Variants in FOXC1 observed in about 807,000 individuals in gnomAD.
FOXC1 encodes forkhead box C1, also known as forkhead box protein C1.
In FOXC1, 5 loss-of-function variants were observed where a neutral mutation model predicts 8.1. The observed-to-expected ratio is 0.62, with a 90% CI of 0.32 to 1.30. The LOEUF (loss-of-function observed/expected upper bound fraction) is 1.30, where lower values mean the gene tolerates loss of function less well. Among genes scored for constraint, FOXC1 ranks in the 50% most tolerant of loss-of-function variants. The pLI is 0.05. For synonymous variants in FOXC1, 552 were observed against 417.2 expected (o/e 1.32, Z -3.94); for missense variants, 942 against 858.0 (o/e 1.10, Z -1.22).
Position 1,611,528 on chromosome 6 carries a change from C to T in FOXC1, c.1083C>T (p.Tyr361=), listed in dbSNP as rs1375671248. 1 of 1,317,990 alleles carries T rather than the reference C, an allele frequency of 7.6e-7. No homozygotes were observed. The highest frequency in any genetic ancestry group is 9.7e-7 in the Non-Finnish European group (1 of 1,027,024). The allele number at this position is 1,317,990 out of a possible 1,614,324, so 81.6% of individuals were successfully genotyped here. Residue 361 remains tyrosine, a synonymous_variant, in exon 1 of 1, where the codon TAC becomes TAT. Transcript: ENST00000645831. This position sits in a 1 kb window ranked among gnomAD's most constrained non-coding sequence, Gnocchi z 7.1. The part of the protein sequence containing the change: ...GAYSPGQSSL[Y]SSPCSQTSSA... ...ACTCGCCCGGCCAGAGCTCCCTCTA[C>T]AGCTCCCCCTGCAGCCAGACCTCCA...
chr6:1,611,343 C>T lies in FOXC1; in HGVS notation c.898C>T (p.Pro300Ser). The change falls in exon 1 of 1, where the codon CCG (proline) becomes TCG (serine). Residue 300 changes from proline to serine, a missense_variant. This residue lies in a region of FOXC1 where 726 missense variants were observed against 599.6 expected (regional missense o/e 1.21). Transcript: ENST00000645831. This position sits in a 1 kb window ranked among gnomAD's most constrained non-coding sequence, Gnocchi z 7.1. Reference protein sequence around the residue: ...SAPPPPAPSAPPPHHSQGFSV... With the variant: ...SAPPPPAPSASPPHHSQGFSV... The stretch of plus-strand genomic sequence containing the variant: ...GCCGCCGCCGCCCGCGCCCTCCGCC[C>T]CGCCGCCGCACCATAGCCAGGGCTT... 1 of 1,423,032 alleles carries T rather than the reference C, an allele frequency of 7.0e-7. No homozygotes were observed. Among genetic ancestry groups the T allele is most frequent in the Non-Finnish European group, 9.2e-7 (1 of 1,087,088 alleles). 88.2% of individuals were successfully genotyped at this position (1,423,032 alleles called of 1,614,324 possible).
In FOXC1 at chr6:1,611,070, G is replaced by A; in HGVS notation, c.625G>A (p.Ala209Thr). 1 of 1,421,110 alleles carries A rather than the reference G, an allele frequency of 7.0e-7. No individual in the cohort carries two copies. The allele number at this position is 1,421,110 out of a possible 1,614,324, so 88.0% of individuals were successfully genotyped here. The change falls in exon 1 of 1, where the codon GCC (alanine) becomes ACC (threonine). Residue 209 changes from alanine to threonine, a missense_variant. Ala to Thr is a moderately conservative substitution (Grantham distance 58, BLOSUM62 0). Coordinates refer to ENST00000645831, the MANE Select transcript of FOXC1 (RefSeq NM_001453.3). This position sits in a 1 kb window ranked among gnomAD's most constrained non-coding sequence, Gnocchi z 7.1. The part of the protein sequence containing the change: ...RQPPPAPPEQ[A>T]DGNAPGPQPP... The stretch of plus-strand genomic sequence containing the variant: ...GCCCCCGCCCGCGCCGCCGGAGCAG[G>A]CCGACGGCAACGCGCCCGGTCCGCA...
chr6:1,611,068 A>C lies in FOXC1; in HGVS notation c.623A>C (p.Gln208Pro). Reference sequence around the variant, plus strand: ...CAGCCCCCGCCCGCGCCGCCGGAGCAGGCCGACGGCAACGCGCCCGGTCCG... The same window carrying C: ...CAGCCCCCGCCCGCGCCGCCGGAGCCGGCCGACGGCAACGCGCCCGGTCCG... Reference protein sequence around the residue: ...GRQPPPAPPEQADGNAPGPQP... With the variant: ...GRQPPPAPPEPADGNAPGPQP... The change falls in exon 1 of 1, where the codon CAG becomes CCG. Residue 208 changes from glutamine (Q) to proline (P), a missense_variant. Gln to Pro is a moderately conservative substitution (Grantham distance 76, BLOSUM62 -1). Transcript: ENST00000645831. This position sits in a 1 kb window ranked among gnomAD's most constrained non-coding sequence, Gnocchi z 7.1. The C allele has an allele frequency of 4.2e-6, 6 of 1,430,990 alleles. No individual in the cohort carries two copies. Among genetic ancestry groups the C allele is most frequent in the Non-Finnish European group, 5.5e-6 (6 of 1,091,960 alleles). The allele number at this position is 1,430,990 out of a possible 1,614,324, so 88.6% of individuals were successfully genotyped here.
Position 1,610,801 on chromosome 6 carries a change from A to G in FOXC1, c.356A>G (p.Lys119Arg), listed in dbSNP as rs759264099. 3.1e-6 allele frequency: 5 copies of G among 1,613,930 alleles called. No individual in the cohort carries two copies. Among genetic ancestry groups the G allele is most frequent in the African/African-American group, 1.3e-5 (1 of 74,896 alleles). Residue 119 changes from lysine (K) to arginine (R), a missense_variant, in exon 1 of 1, where the codon AAG (lysine) becomes AGG (arginine). Around this residue, in one of 4 missense-constraint regions of FOXC1, gnomAD observed 190 missense variants for 176.8 expected, o/e 1.07. Transcript: ENST00000645831. ...MDRFPFYRDN[K>R]QGWQNSIRHN... The stretch of plus-strand genomic sequence containing the variant: ...CGCTTCCCCTTCTACCGGGACAACA[A>G]GCAGGGCTGGCAGAACAGCATCCGC...
rs1464138433 is a variant in FOXC1, at chr6:1,611,755, C to T, written c.1310C>T (p.Thr437Ile). Residue 437 changes from threonine (T) to isoleucine (I), a missense_variant, in exon 1 of 1, where the codon ACC becomes ATC. By Grantham distance (89) the Thr-to-Ile change is moderately conservative. This residue lies in a region of FOXC1 where 726 missense variants were observed against 599.6 expected (regional missense o/e 1.21). Coordinates refer to ENST00000645831, the MANE Select transcript of FOXC1 (RefSeq NM_001453.3). The surrounding 1 kb of genome is among the most constrained non-coding windows in gnomAD (Gnocchi z 7.1). ...CCCGACTACTCTCTGCCTCCGGTCA[C>T]CAGCAGCAGCTCGTCGTCCCTGAGT... is the stretch of plus-strand genomic sequence containing the variant. The part of the protein sequence containing the change: ...PLPDYSLPPV[T>I]SSSSSSLSHG... The T allele has an allele frequency of 6.8e-7, 1 of 1,471,496 alleles. No individual in the cohort carries two copies. The allele number at this position is 1,471,496 out of a possible 1,614,324, so 91.2% of individuals were successfully genotyped here. A position where few individuals can be genotyped will look rare whatever the true frequency, so the allele number is the denominator to read the frequency against.
Position 1,610,983 on chromosome 6 carries a change from G to A in FOXC1, c.538G>A (p.Val180Met), listed in dbSNP as rs1464165330. 9 of 1,612,928 alleles carry A rather than the reference G, an allele frequency of 5.6e-6. No homozygotes were observed. The highest frequency in any genetic ancestry group is 7.6e-6 in the Non-Finnish European group (9 of 1,179,774). ...GCGGCGCTTCAAGAAGAAGGACGCG[G>A]TGAAGGACAAGGAGGAGAAGGACAG... is the stretch of plus-strand genomic sequence containing the variant. ...RRRRFKKKDA[V>M]KDKEEKDRLH... Residue 180 changes from valine to methionine, a missense_variant, in exon 1 of 1, where the codon GTG (valine) becomes ATG (methionine). Physicochemically the swap from Val to Met is conservative, Grantham distance 21 (BLOSUM62 1). Coordinates refer to ENST00000645831, the MANE Select transcript of FOXC1 (RefSeq NM_001453.3).
At position 1,611,072 on chromosome 6, in the gene FOXC1, C is replaced by A. The variant is rs750403536; in HGVS notation, c.627C>A (p.Ala209=). Residue 209 remains alanine (A), a synonymous_variant, in exon 1 of 1, where the codon GCC becomes GCA. Coordinates refer to ENST00000645831, the MANE Select transcript of FOXC1 (RefSeq NM_001453.3). This position sits in a 1 kb window ranked among gnomAD's most constrained non-coding sequence, Gnocchi z 7.1. ...CCCCGCCCGCGCCGCCGGAGCAGGCCGACGGCAACGCGCCCGGTCCGCAGC... is the reference window on the plus strand; with the variant it reads ...CCCCGCCCGCGCCGCCGGAGCAGGCAGACGGCAACGCGCCCGGTCCGCAGC... ...RQPPPAPPEQ[A]DGNAPGPQPP... is the part of the protein sequence containing the mutation. 2.8e-6 allele frequency: 4 copies of A among 1,420,364 alleles called. No homozygotes were observed. The highest frequency in any genetic ancestry group is 3.7e-6 in the Non-Finnish European group (4 of 1,085,316). 88.0% of individuals were successfully genotyped at this position (1,420,364 alleles called of 1,614,324 possible).
Position 1,611,683 on chromosome 6 carries a change from AGGGCGCGCCCGG to A in FOXC1, c.1246_1257del (p.Pro416_Ala419del). The A allele has an allele frequency of 2.1e-6, 3 of 1,414,284 alleles. No homozygotes were observed. Among genetic ancestry groups the A allele is most frequent in the Non-Finnish European group, 2.7e-6 (3 of 1,091,290 alleles). The allele number at this position is 1,414,284 out of a possible 1,614,324, so 87.6% of individuals were successfully genotyped here. A position where few individuals can be genotyped will look rare whatever the true frequency, so the allele number is the denominator to read the frequency against. ...GCCGGCGAGCGCGGGGGCCACTTGC[AGGGCGCGCCCGG>A]GGGCGCGGGCGGCTCGGCCGTGGAC... On this transcript the variant is annotated inframe_deletion, in exon 1 of 1. Transcript: ENST00000645831. This position sits in a 1 kb window ranked among gnomAD's most constrained non-coding sequence, Gnocchi z 7.1.
rs1439714149 is a variant in FOXC1 at position 1,610,532 on chromosome 6, G to A, written c.87G>A (p.Ala29=). Residue 29 remains alanine, a synonymous_variant, in exon 1 of 1, where the codon GCG becomes GCA. Coordinates refer to ENST00000645831, the MANE Select transcript of FOXC1 (RefSeq NM_001453.3). ...LGGEQSYYRA[A]AAAAGGGYTA... ...GCGAGCAGAGCTACTACCGCGCGGC[G>A]GCCGCGGCGGCCGGGGGCGGCTACA... 6.5e-7 allele frequency: 1 copy of A among 1,533,536 alleles called. No homozygotes were observed. Among genetic ancestry groups the A allele is most frequent in the African/African-American group, 1.4e-5 (1 of 72,166 alleles). 95.0% of individuals were successfully genotyped at this position (1,533,536 alleles called of 1,614,324 possible).
Position 1,611,914 on chromosome 6 carries a change from C to G in FOXC1, c.1469C>G (p.Ala490Gly). ...GDLGHLASAAAAAAAAGYPGQ... is the reference protein window; with the variant it reads ...GDLGHLASAAGAAAAAGYPGQ... Reference sequence around the variant, plus strand: ...CTGGGCCACTTGGCGAGCGCGGCGGCGGCGGCGGCGGCCGCAGGCTACCCG... The same window carrying G: ...CTGGGCCACTTGGCGAGCGCGGCGGGGGCGGCGGCGGCCGCAGGCTACCCG... Residue 490 changes from alanine to glycine, a missense_variant, in exon 1 of 1, where the codon GCG (alanine) becomes GGG (glycine). Physicochemically the swap from Ala to Gly is moderately conservative, Grantham distance 60 (BLOSUM62 0). Transcript: ENST00000645831. The surrounding 1 kb of genome is among the most constrained non-coding windows in gnomAD (Gnocchi z 7.1). 1.3e-6 allele frequency: 2 copies of G among 1,552,646 alleles called. No homozygotes were observed. The highest frequency in any genetic ancestry group is 1.7e-6 in the Non-Finnish European group (2 of 1,148,472).
Position 1,611,011 on chromosome 6 carries a change from T to A in FOXC1, c.566T>A (p.Leu189Gln), listed in dbSNP as rs1227876001. The A allele has an allele frequency of 6.2e-7, 1 of 1,604,846 alleles. No homozygotes were observed. Among genetic ancestry groups the A allele is most frequent in the Non-Finnish European group, 8.5e-7 (1 of 1,176,442 alleles). The change falls in exon 1 of 1, where the codon CTG (leucine) becomes CAG (glutamine). Residue 189 changes from leucine (L) to glutamine (Q), a missense_variant. Around this residue, in one of 4 missense-constraint regions of FOXC1, gnomAD observed 726 missense variants for 599.6 expected, o/e 1.21. Transcript: ENST00000645831. The surrounding 1 kb of genome is among the most constrained non-coding windows in gnomAD (Gnocchi z 7.1). The stretch of plus-strand genomic sequence containing the variant: ...AAGGACAAGGAGGAGAAGGACAGGC[T>A]GCACCTCAAGGAGCCGCCCCCGCCC... ...AVKDKEEKDR[L>Q]HLKEPPPPGR...
rs1192019316 is a variant in FOXC1, at chr6:1,610,406, GGGGGCGGCGGGCGGCGC to G, written c.-29_-13del. On this transcript the variant is annotated 5_prime_UTR_variant, in exon 1 of 1. Coordinates refer to ENST00000645831, the MANE Select transcript of FOXC1 (RefSeq NM_001453.3). ...GCGCGGCCCGGCCCGAGCGAGGGTG[GGGGGCGGCGGGCGGCGC>G]GGGGCGGCGGCGAGCGGGGGCCATG... The G allele has an allele frequency of 4.3e-6, 5 of 1,154,374 alleles. No homozygotes were observed. The highest frequency in any genetic ancestry group is 7.7e-5 in the East Asian group (2 of 25,874). The allele number at this position is 1,154,374 out of a possible 1,614,324, so 71.5% of individuals were successfully genotyped here. A position where few individuals can be genotyped will look rare whatever the true frequency, so the allele number is the denominator to read the frequency against.
In FOXC1 at chr6:1,612,510, A is replaced by G; in HGVS notation, c.*403A>G. ...TTCTTCCTTGCCTCTCACCTGTAAG[A>G]TATTATTTTATCCTATGTTGAAGGG... On this transcript the variant is annotated 3_prime_UTR_variant, in exon 1 of 1. Transcript: ENST00000645831. 2 of 351,562 alleles carry G rather than the reference A, an allele frequency of 5.7e-6. No homozygotes were observed. The highest frequency in any genetic ancestry group is 1.1e-5 in the Non-Finnish European group (2 of 181,708). The allele number at this position is 351,562 out of a possible 1,614,324, so 21.8% of individuals were successfully genotyped here. A position where few individuals can be genotyped will look rare whatever the true frequency, so the allele number is the denominator to read the frequency against.
chr6:1,612,421 A>C lies in FOXC1; in HGVS notation c.*314A>C, dbSNP rs1042305444. 1 of 493,370 alleles carries C rather than the reference A, an allele frequency of 2.0e-6. No individual in the cohort carries two copies. The highest frequency in any genetic ancestry group is 3.7e-5 in the East Asian group (1 of 27,136). 30.6% of individuals were successfully genotyped at this position (493,370 alleles called of 1,614,324 possible). ...AAAGGACAGTGTTACTCCAGATAACACGTAAGTTTCTTCTTGCTTTTCAGA... is the reference window on the plus strand; with the variant it reads ...AAAGGACAGTGTTACTCCAGATAACCCGTAAGTTTCTTCTTGCTTTTCAGA... On this transcript the variant is annotated 3_prime_UTR_variant, in exon 1 of 1. Coordinates refer to ENST00000645831, the MANE Select transcript of FOXC1 (RefSeq NM_001453.3).
At position 1,610,442 on chromosome 6, in the gene FOXC1, G is replaced by T. The variant is rs757867962; in HGVS notation, c.-4G>T. 3 of 1,320,390 alleles carry T rather than the reference G, an allele frequency of 2.3e-6. No homozygotes were observed. Among genetic ancestry groups the T allele is most frequent in the Non-Finnish European group, 2.9e-6 (3 of 1,033,928 alleles). The allele number at this position is 1,320,390 out of a possible 1,614,324, so 81.8% of individuals were successfully genotyped here. On this transcript the variant is annotated 5_prime_UTR_variant, in exon 1 of 1. Transcript: ENST00000645831. The stretch of plus-strand genomic sequence containing the variant: ...GCGGCGCGGGGCGGCGGCGAGCGGG[G>T]GCCATGCAGGCGCGCTACTCCGTGT...
Position 1,611,473 on chromosome 6 carries a change from G to C in FOXC1, c.1028G>C (p.Gly343Ala). Reference protein sequence around the residue: ...LASAAASSRAGIAPPLALGAY... With the variant: ...LASAAASSRAAIAPPLALGAY... ...TCGGCGGCCGCGTCCTCGCGCGCGGGGATCGCACCCCCGCTGGCGCTCGGC... is the reference window on the plus strand; with the variant it reads ...TCGGCGGCCGCGTCCTCGCGCGCGGCGATCGCACCCCCGCTGGCGCTCGGC... Residue 343 changes from glycine to alanine, a missense_variant, in exon 1 of 1, where the codon GGG becomes GCG. Physicochemically the swap from Gly to Ala is moderately conservative, Grantham distance 60. Transcript: ENST00000645831. The surrounding 1 kb of genome is among the most constrained non-coding windows in gnomAD (Gnocchi z 7.1). 1 of 1,383,970 alleles carries C rather than the reference G, an allele frequency of 7.2e-7. No individual in the cohort carries two copies. Among genetic ancestry groups the C allele is most frequent in the Non-Finnish European group, 9.4e-7 (1 of 1,065,934 alleles). The allele number at this position is 1,383,970 out of a possible 1,614,324, so 85.7% of individuals were successfully genotyped here.
Position 1,611,674 on chromosome 6 carries a change from G to C in FOXC1, c.1229G>C (p.Gly410Ala). Residue 410 changes from glycine to alanine, a missense_variant, in exon 1 of 1, where the codon GGC becomes GCC. By Grantham distance (60) the Gly-to-Ala change is moderately conservative. Transcript: ENST00000645831. The surrounding 1 kb of genome is among the most constrained non-coding windows in gnomAD (Gnocchi z 7.1). ...CTGTACGCGGCCGGCGAGCGCGGGG[G>C]CCACTTGCAGGGCGCGCCCGGGGGC... ...MSLYAAGERG[G>A]HLQGAPGGAG... 4.3e-6 allele frequency: 6 copies of C among 1,406,934 alleles called. No individual in the cohort carries two copies. The highest frequency in any genetic ancestry group is 5.5e-6 in the Non-Finnish European group (6 of 1,087,654). 87.2% of individuals were successfully genotyped at this position (1,406,934 alleles called of 1,614,324 possible).
chr6:1,610,393 C>A lies in FOXC1; in HGVS notation c.-53C>A. ...GGCGGCCGGCGCGGCGCGGCCCGGC[C>A]CGAGCGAGGGTGGGGGGCGGCGGGC... On this transcript the variant is annotated 5_prime_UTR_variant, in exon 1 of 1. Transcript: ENST00000645831. 2 of 1,022,838 alleles carry A rather than the reference C, an allele frequency of 2.0e-6. No homozygotes were observed. Among genetic ancestry groups the A allele is most frequent in the Non-Finnish European group, 2.4e-6 (2 of 844,942 alleles). 63.4% of individuals were successfully genotyped at this position (1,022,838 alleles called of 1,614,324 possible). A position where few individuals can be genotyped will look rare whatever the true frequency, so the allele number is the denominator to read the frequency against.
At position 1,610,621 on chromosome 6, in the gene FOXC1, G is replaced by A; in HGVS notation, c.176G>A (p.Gly59Asp). Residue 59 changes from glycine to aspartate, a missense_variant, in exon 1 of 1, where the codon GGC (glycine) becomes GAC (aspartate). Coordinates refer to ENST00000645831, the MANE Select transcript of FOXC1 (RefSeq NM_001453.3). Reference sequence around the variant, plus strand: ...GCGCACGCCGAGCAGTACCCGGGCGGCATGGCCCGCGCCTACGGGCCCTAC... The same window carrying A: ...GCGCACGCCGAGCAGTACCCGGGCGACATGGCCCGCGCCTACGGGCCCTAC... ...HPAHAEQYPG[G>D]MARAYGPYTP... 1 of 1,611,288 alleles carries A rather than the reference G, an allele frequency of 6.2e-7. No individual in the cohort carries two copies. The highest frequency in any genetic ancestry group is 8.5e-7 in the Non-Finnish European group (1 of 1,179,514).
Sources: gnomAD v4.1 joint callset for allele counts on GRCh38, gnomAD v4.1.1 for gene constraint, gnomAD v4.1.1 regional missense constraint, Gnocchi (gnomAD v3.1) non-coding constraint, MANE v1.5 for transcripts, NCBI Gene and HGNC (gene_info 2026-07-23, HGNC 2026-07-21) for gene names.